TNS3: variants seen among roughly 807,000 people sequenced by gnomAD.
TNS3 encodes the protein tensin 3.
A neutral mutation model predicts 140.9 loss-of-function variants in TNS3; 45 were observed. The ratio of observed to expected loss-of-function variants is 0.32; its 90% CI spans 0.25 to 0.41. TNS3 has a LOEUF of 0.41. Among genes scored for constraint, TNS3 ranks in the 10% least tolerant of loss-of-function variants. TNS3 has a pLI of 1.00. For missense variants in TNS3, 1,716 were observed against 1,906.7 expected, an observed-to-expected ratio of 0.90 and a Z score of 1.86; for synonymous variants, 815 against 788.4, an observed-to-expected ratio of 1.03 and a Z score of -0.56.
In TNS3 at chr7:47,302,469, A is replaced by G. The variant is rs114175112; in HGVS notation, c.3458-197T>C. Among the ~76,000 whole-genome samples the G allele has an allele frequency of 5.5e-3, 843 of 152,354 alleles. 4 individuals are homozygous for G. Among genetic ancestry groups the G allele is most frequent in the African/African-American group, 0.019 (779 of 41,574 alleles). ...CTGTTTTATAACACAAAACAGAACA[A>G]CAGGATGCTTGGATTGAGCCTTTGC... On this transcript the variant is annotated intron_variant, in intron 22 of 30. Coordinates refer to ENST00000311160, the MANE Select transcript of TNS3 (RefSeq NM_022748.12).
In TNS3 at chr7:47,481,114, G is replaced by A. The variant is rs1797398799; in HGVS notation, c.-87C>T. The A allele has an allele frequency of 1.0e-5, 13 of 1,289,776 alleles. No homozygotes were observed. The highest frequency in any genetic ancestry group is 3.0e-5 in the African/African-American group (2 of 65,956). 79.9% of individuals were successfully genotyped at this position (1,289,776 alleles called of 1,614,324 possible). ...TGCAAAGGGCTTACCTGTTCCAGTCGGACTTGCACACCGCAGGGAATCACC... is the reference window on the plus strand; with the variant it reads ...TGCAAAGGGCTTACCTGTTCCAGTCAGACTTGCACACCGCAGGGAATCACC... On this transcript the variant is annotated 5_prime_UTR_variant, in exon 4 of 31. Coordinates refer to ENST00000311160, the MANE Select transcript of TNS3 (RefSeq NM_022748.12).
chr7:47,539,347 A>G (rs1799716156), intron 1 of TNS3: 1 of 344,866 alleles, frequency 2.9e-6, no homozygotes, highest in South Asian at 2.3e-5. Context: ...ACACTTCGTT[A>G]CTAGTAACAA....
chr7:47,401,038 A>G, intron 13 of TNS3, 124 bp from the exon 14 acceptor site: 1 of 1,415,638 alleles, frequency 7.1e-7, no homozygotes, highest in Non-Finnish European at 9.5e-7. Context: ...CTGGGAGTTC[A>G]CGCTTTGGAG....
intron 3 of TNS3, among the ~76,000 whole-genome samples, chr7:47,485,035 G>A (rs1251497979): frequency 6.6e-6 from 1 of 152,238 alleles, no homozygotes; most frequent in Admixed American, 6.5e-5. Context: ...AGACCGTCCT[G>A]CAGACGCCAA....
At chr7:47,354,466 TG>T (rs894566410) in intron 17 of TNS3, among the ~76,000 whole-genome samples, 4 of 151,126 alleles carry the variant, frequency 2.6e-5, no homozygotes, top group African/African-American at 9.8e-5. Flanking sequence ...AGCCCTGGGG[TG>T]GGGCAGGGGG....
At chr7:47,390,070 C>T (rs1226100818) in intron 16 of TNS3, among the ~76,000 whole-genome samples, 2 of 152,180 alleles carry the variant, frequency 1.3e-5, no homozygotes, top group Non-Finnish European at 2.9e-5. Flanking sequence ...AGCCCTGGAG[C>T]AGCTCTCAAT....
rs1222095311 is a variant in TNS3, at chr7:47,473,719, C to T, written c.-76+7384G>A. Among the ~76,000 whole-genome samples, 7 of 152,168 alleles carry T rather than the reference C, an allele frequency of 4.6e-5. No individual in the cohort carries two copies. In the East Asian group the frequency reaches 1.3e-3, roughly 29 times the overall value. ...AGAAACCACTGCAGGCTGGGGCCGGCAGAACAGACCCACATAGGTCACCTG... is the reference window on the plus strand; with the variant it reads ...AGAAACCACTGCAGGCTGGGGCCGGTAGAACAGACCCACATAGGTCACCTG... On this transcript the variant is annotated intron_variant, in intron 4 of 30. Transcript: ENST00000311160.
intron 4 of TNS3, among the ~76,000 whole-genome samples, chr7:47,473,999 C>A (rs1042292504): frequency 6.6e-6 from 1 of 152,012 alleles, no homozygotes; most frequent in African/African-American, 2.4e-5. Flanking sequence ...CAGCACGTGA[C>A]CTGCAAGACT....
chr7:47,353,115 C>T (rs1319403043), intron 17 of TNS3, among the ~76,000 whole-genome samples: 3 of 152,194 alleles, frequency 2.0e-5, no homozygotes, highest in East Asian at 3.9e-4. Flanking sequence ...CAGCAAGCTC[C>T]GTACCTCTGC....
chr7:47,483,988 GT>G, intron 3 of TNS3, among the ~76,000 whole-genome samples: 1 of 152,300 alleles, frequency 6.6e-6, no homozygotes, highest in East Asian at 1.9e-4. Context: ...AAAATGAATC[GT>G]TTTTAAGAAA....
chr7:47,497,319 T>C (rs142019066), intron 3 of TNS3, among the ~76,000 whole-genome samples: 61 of 152,208 alleles, frequency 4.0e-4, no homozygotes, highest in African/African-American at 1.4e-3. Flanking sequence ...AATACAATGA[T>C]GCAGATTAAG....
At chr7:47,501,280 A>G (rs6948207) in intron 3 of TNS3, among the ~76,000 whole-genome samples, 64,378 of 151,412 alleles carry the variant, frequency 0.43, 14,808 homozygotes, top group African/African-American at 0.61. Flanking sequence ...CAGATCATTC[A>G]TTCCTAGTGA....
rs182237040 is a variant in TNS3, at chr7:47,315,300, G to A, written c.2651-10297C>T. 2.0e-5 allele frequency among the ~76,000 whole-genome samples: 3 copies of A among 152,352 alleles called. No individual in the cohort carries two copies. In the East Asian group the frequency reaches 5.8e-4, roughly 29 times the overall value. ...TTCTGGTATTCCGCCTAAGCAGCTG[G>A]TGTCCCTGGTGCCCTGCGGGGGTGA... On this transcript the variant is annotated intron_variant, in intron 20 of 30. Transcript: ENST00000311160.
intron 3 of TNS3, among the ~76,000 whole-genome samples, chr7:47,483,615 A>G (rs931493706): frequency 6.6e-6 from 1 of 152,202 alleles, no homozygotes; most frequent in African/African-American, 2.4e-5. Context: ...AGTTTTAAAG[A>G]CGGCAGCCAC....
chr7:47,303,371 C>G lies in TNS3; in HGVS notation c.3036G>C (p.Ala1012=). The G allele has an allele frequency of 6.2e-7, 1 of 1,613,616 alleles. No homozygotes were observed. The highest frequency in any genetic ancestry group is 8.5e-7 in the Non-Finnish European group (1 of 1,179,906). ...CCAGGAAGGCCTGGCTGCTGGGAGG[C>G]GCCAGGGAGTCCGGTGGCTCTGCTA... ...LSLAEPPDSL[A]PPSSQAFLGF... is the part of the protein sequence containing the mutation. The change falls in exon 22 of 31, where the codon GCG becomes GCC. Residue 1012 remains alanine (A), a synonymous_variant. Transcript: ENST00000311160.
intron 15 of TNS3, among the ~76,000 whole-genome samples, chr7:47,399,798 AAT>A: frequency 1.3e-5 from 2 of 152,342 alleles, no homozygotes; most frequent in South Asian, 2.1e-4. Context: ...CCCAAAAGCA[AAT>A]GCAACAGAAC....
intron 22 of TNS3, 30 bp downstream of exon 22, chr7:47,302,920 G>T: frequency 6.4e-7 from 1 of 1,566,660 alleles, no homozygotes; most frequent in South Asian, 1.2e-5. Flanking sequence ...GGACAGAGGG[G>T]CCCTTCCAAC....
rs150397825 is a variant in TNS3, at chr7:47,411,638, TA to T, written c.723+88del. On this transcript the variant is annotated intron_variant, in intron 13 of 30. Transcript: ENST00000311160. The stretch of plus-strand genomic sequence containing the variant: ...GGGTACTTTTTTTGGGGGTGAGGGT[TA>T]CTGTTTTAACACAGAATCATGATTT... 2.7e-3 allele frequency: 3,681 copies of T among 1,376,934 alleles called. 91 individuals carry two copies. The African/African-American group carries it at 0.048, about 18-fold the overall frequency. The allele number at this position is 1,376,934 out of a possible 1,614,324, so 85.3% of individuals were successfully genotyped here.
At chr7:47,321,037 C>T (rs1787706416) in intron 20 of TNS3, among the ~76,000 whole-genome samples, 2 of 152,192 alleles carry the variant, frequency 1.3e-5, no homozygotes, top group East Asian at 1.9e-4. Flanking sequence ...TAATGTGTCC[C>T]TTCTGACTCT....
Sources: allele counts gnomAD v4.1 joint callset (sites outside exome capture counted in the v4.1 genomes callset), GRCh38; gene constraint gnomAD v4.1.1; transcripts MANE v1.5; gene names NCBI Gene and HGNC (gene_info 2026-07-23, HGNC 2026-07-21).